The following KIRREL3 variants were observed in gnomAD, a reference collection of about 807,000 sequenced individuals.
KIRREL3 encodes kin of IRRE-like protein 3.
KIRREL3 carries 36 observed loss-of-function variants against 89.7 expected under a neutral mutation model. The observed-to-expected ratio is 0.40, with a 90% CI of 0.31 to 0.53. The LOEUF is 0.53. KIRREL3 is among the 20% of genes least tolerant of loss of function. The pLI is 0.49. For synonymous variants in KIRREL3, 445 were observed against 441.4 expected (o/e 1.01, Z -0.10); for missense variants, 864 against 1,056.6 (o/e 0.82, Z 2.53).
rs936201536 is a variant in KIRREL3 at position 126,783,328 on chromosome 11, C to G, written c.55+217127G>C. Among the ~76,000 whole-genome samples the G allele has an allele frequency of 9.9e-5, 15 of 152,178 alleles. No individual in the cohort carries two copies. The highest frequency in any genetic ancestry group is 1.6e-4 in the Non-Finnish European group (11 of 68,038). ...TCTTCTCTTCTTATGAGGACACTCA[C>G]TGGTCACATTGGATTAAGGGCTTAC... On this transcript the variant is annotated intron_variant, in intron 1 of 16. Transcript: ENST00000525144. The surrounding 1 kb of genome is among the most constrained non-coding windows in gnomAD (Gnocchi z 4.3).
chr11:126,949,723 A>C (rs981468388), intron 1 of KIRREL3, among the ~76,000 whole-genome samples: 2 of 152,204 alleles, frequency 1.3e-5, no homozygotes, highest in Non-Finnish European at 2.9e-5. Context: ...TTCCCAAAAT[A>C]AAATTCAGTG....
At chr11:126,646,949 A>G (rs964396483) in intron 1 of KIRREL3, among the ~76,000 whole-genome samples, 1 of 152,206 alleles carries the variant, frequency 6.6e-6, no homozygotes, top group Non-Finnish European at 1.5e-5. Flanking sequence ...CCGATGAGCC[A>G]ATTATTTCAA....
chr11:126,705,902 A>G lies in KIRREL3; in HGVS notation c.56-142990T>C, dbSNP rs1001537619. Among the ~76,000 whole-genome samples the G allele has an allele frequency of 2.0e-5, 3 of 152,206 alleles. No homozygotes were observed. The highest frequency in any genetic ancestry group is 4.4e-5 in the Non-Finnish European group (3 of 68,034). On this transcript the variant is annotated intron_variant, in intron 1 of 16. Coordinates refer to ENST00000525144, the MANE Select transcript of KIRREL3 (RefSeq NM_032531.4). The surrounding 1 kb of genome is among the most constrained non-coding windows in gnomAD (Gnocchi z 4.3). ...TAAGAGATTTGCTGTTTCTGCTTGCAGTCACTTAGAATGCTCCTTTTCAGA... is the reference window on the plus strand; with the variant it reads ...TAAGAGATTTGCTGTTTCTGCTTGCGGTCACTTAGAATGCTCCTTTTCAGA...
chr11:126,632,312 G>T (rs1396509702), intron 1 of KIRREL3, among the ~76,000 whole-genome samples: 2 of 152,176 alleles, frequency 1.3e-5, no homozygotes, highest in African/African-American at 2.4e-5. Flanking sequence ...TCTCCCTGGG[G>T]TGAGAAATTT....
rs1248653488 is a variant in KIRREL3, at chr11:126,519,681, G to C, written c.433+1634C>G. On this transcript the variant is annotated intron_variant, in intron 4 of 16. Coordinates refer to ENST00000525144, the MANE Select transcript of KIRREL3 (RefSeq NM_032531.4). The surrounding 1 kb of genome is among the most constrained non-coding windows in gnomAD (Gnocchi z 4.3). Reference sequence around the variant, plus strand: ...GTCGGTAGAGGCAGATTCTTCTGAGGATGGAGGGGCTGAGCCATCTCTGAA... The same window carrying C: ...GTCGGTAGAGGCAGATTCTTCTGAGCATGGAGGGGCTGAGCCATCTCTGAA... Among the ~76,000 whole-genome samples, 1 of 152,164 alleles carries C rather than the reference G, an allele frequency of 6.6e-6. No homozygotes were observed. The highest frequency in any genetic ancestry group is 2.4e-5 in the African/African-American group (1 of 41,426).
chr11:126,574,277 A>G lies in KIRREL3; in HGVS notation c.56-11365T>C, dbSNP rs1941134414. The stretch of plus-strand genomic sequence containing the variant: ...CTAATGGCAGGGCTAGGATTTGACC[A>G]CAACGCTTGGGGTAAAACCAAACTC... On this transcript the variant is annotated intron_variant, in intron 1 of 16. Coordinates refer to ENST00000525144, the MANE Select transcript of KIRREL3 (RefSeq NM_032531.4). This position sits in a 1 kb window ranked among gnomAD's most constrained non-coding sequence, Gnocchi z 5.3. Among the ~76,000 whole-genome samples the G allele has an allele frequency of 6.6e-6, 1 of 152,232 alleles. No homozygotes were observed. Among genetic ancestry groups the G allele is most frequent in the Admixed American group, 6.5e-5 (1 of 15,288 alleles).
intron 1 of KIRREL3, among the ~76,000 whole-genome samples, chr11:126,619,617 G>C (rs1326028505): frequency 6.6e-6 from 1 of 152,204 alleles, no homozygotes; most frequent in Non-Finnish European, 1.5e-5. Flanking sequence ...ACATTAATGA[G>C]AATTACAAAC....
intron 1 of KIRREL3, among the ~76,000 whole-genome samples, chr11:126,847,727 C>G (rs1944196415): frequency 1.3e-5 from 2 of 152,134 alleles, no homozygotes; most frequent in South Asian, 2.1e-4. Flanking sequence ...GTTAAGAAAA[C>G]TCTTCTGTTG....
In KIRREL3 at chr11:126,601,843, T is replaced by C. The variant is rs1942671066; in HGVS notation, c.56-38931A>G. Among the ~76,000 whole-genome samples the C allele has an allele frequency of 1.3e-5, 2 of 152,194 alleles. No individual in the cohort carries two copies. Among genetic ancestry groups the C allele is most frequent in the African/African-American group, 4.8e-5 (2 of 41,446 alleles). The stretch of plus-strand genomic sequence containing the variant: ...CGTGCCATCTCCCGTTTTTAAGGAC[T>C]GGACTAAAGGTGGAGGTCTTGGCCT... On this transcript the variant is annotated intron_variant, in intron 1 of 16. Coordinates refer to ENST00000525144, the MANE Select transcript of KIRREL3 (RefSeq NM_032531.4). This position sits in a 1 kb window ranked among gnomAD's most constrained non-coding sequence, Gnocchi z 5.8.
At position 126,652,033 on chromosome 11, in the gene KIRREL3, G is replaced by A. The variant is rs980185611; in HGVS notation, c.56-89121C>T. ...GAGGCAAAAAGCGGAGTTCATCCTT[G>A]TGCTAACCAAAGAAAAGATGAAATG... is the stretch of plus-strand genomic sequence containing the variant. On this transcript the variant is annotated intron_variant, in intron 1 of 16. Coordinates refer to ENST00000525144, the MANE Select transcript of KIRREL3 (RefSeq NM_032531.4). The surrounding 1 kb of genome is among the most constrained non-coding windows in gnomAD (Gnocchi z 4.9). 6.6e-6 allele frequency among the ~76,000 whole-genome samples: 1 copy of A among 152,162 alleles called. No individual in the cohort carries two copies. Among genetic ancestry groups the A allele is most frequent in the Non-Finnish European group, 1.5e-5 (1 of 68,030 alleles).
intron 1 of KIRREL3, among the ~76,000 whole-genome samples, chr11:126,868,149 G>A (rs1011482344): frequency 6.6e-6 from 1 of 152,124 alleles, no homozygotes; most frequent in African/African-American, 2.4e-5. Context: ...AAATTAACCA[G>A]TCAGATGTCT....
At position 126,772,556 on chromosome 11, in the gene KIRREL3, T is replaced by C. The variant is rs1950050371; in HGVS notation, c.56-209644A>G. Reference sequence around the variant, plus strand: ...CACCTCCGGAGTCAGTCAATGTGGCTCACAGAGTGGGAAGGGCAGATGAGC... The same window carrying C: ...CACCTCCGGAGTCAGTCAATGTGGCCCACAGAGTGGGAAGGGCAGATGAGC... On this transcript the variant is annotated intron_variant, in intron 1 of 16. Coordinates refer to ENST00000525144, the MANE Select transcript of KIRREL3 (RefSeq NM_032531.4). The surrounding 1 kb of genome is among the most constrained non-coding windows in gnomAD (Gnocchi z 4.6). Among the ~76,000 whole-genome samples the C allele has an allele frequency of 6.6e-6, 1 of 152,170 alleles. No homozygotes were observed. The highest frequency in any genetic ancestry group is 2.4e-5 in the African/African-American group (1 of 41,434).
At chr11:126,670,580 G>C (rs1424571284) in intron 1 of KIRREL3, among the ~76,000 whole-genome samples, 3 of 152,194 alleles carry the variant, frequency 2.0e-5, no homozygotes, top group East Asian at 3.8e-4. Flanking sequence ...AAAACACCTA[G>C]TAAGTCAATA....
chr11:126,916,108 G>A (rs970405486), intron 1 of KIRREL3, among the ~76,000 whole-genome samples: 3 of 152,138 alleles, frequency 2.0e-5, no homozygotes, highest in South Asian at 4.1e-4. Flanking sequence ...GATTAATAGC[G>A]TTCTAATGAT....
chr11:126,756,729 C>G (rs1341147732), intron 1 of KIRREL3, among the ~76,000 whole-genome samples: 3 of 152,252 alleles, frequency 2.0e-5, no homozygotes, highest in Non-Finnish European at 2.9e-5. Context: ...GACATCTGCT[C>G]TCCATTCCAC....
chr11:126,917,714 A>G lies in KIRREL3; in HGVS notation c.55+82741T>C, dbSNP rs1389866915. 1.3e-5 allele frequency among the ~76,000 whole-genome samples: 2 copies of G among 152,128 alleles called. No individual in the cohort carries two copies. Among genetic ancestry groups the G allele is most frequent in the Non-Finnish European group, 2.9e-5 (2 of 68,028 alleles). ...AGAAACCATATACTAGAAACCACTC[A>G]CACTAGAAACCAATAGTGAGGTGGT... On this transcript the variant is annotated intron_variant, in intron 1 of 16. Coordinates refer to ENST00000525144, the MANE Select transcript of KIRREL3 (RefSeq NM_032531.4). This position sits in a 1 kb window ranked among gnomAD's most constrained non-coding sequence, Gnocchi z 5.0.
chr11:126,523,240 A>T lies in KIRREL3; in HGVS notation c.284-1776T>A, dbSNP rs1473941565. On this transcript the variant is annotated intron_variant, in intron 3 of 16. Transcript: ENST00000525144. This position sits in a 1 kb window ranked among gnomAD's most constrained non-coding sequence, Gnocchi z 4.9. The stretch of plus-strand genomic sequence containing the variant: ...GAGGTTGGATGATCGCCTCTCAGGG[A>T]TGTTGCAGAGGTGATTTCTACACCG... 6.6e-6 allele frequency among the ~76,000 whole-genome samples: 1 copy of T among 152,116 alleles called. No individual in the cohort carries two copies. The highest frequency in any genetic ancestry group is 6.5e-5 in the Admixed American group (1 of 15,270).
rs759872523 is a variant in KIRREL3, at chr11:126,463,139, G to A, written c.742+18C>T. 1.9e-6 allele frequency: 3 copies of A among 1,609,806 alleles called. No homozygotes were observed. Among genetic ancestry groups the A allele is most frequent in the African/African-American group, 1.3e-5 (1 of 74,846 alleles). ...TGGGCCTGGCAGGGCTGGGTTGGGG[G>A]AGGGGGTGGGTACTCACGCTGGATG... On this transcript the variant is annotated intron_variant, in intron 6 of 16. Transcript: ENST00000525144. The surrounding 1 kb of genome is among the most constrained non-coding windows in gnomAD (Gnocchi z 5.9).
rs950983002 is a variant in KIRREL3 at position 126,440,429 on chromosome 11, G to A, written c.1353+20C>T. On this transcript the variant is annotated intron_variant, in intron 11 of 16. Coordinates refer to ENST00000525144, the MANE Select transcript of KIRREL3 (RefSeq NM_032531.4). Reference sequence around the variant, plus strand: ...TGGGCTGCTGGCCCGGCCCCCGCCCGCCGTCCCTGGAGCACTCACGATGCG... The same window carrying A: ...TGGGCTGCTGGCCCGGCCCCCGCCCACCGTCCCTGGAGCACTCACGATGCG... The A allele has an allele frequency of 1.9e-6, 3 of 1,550,544 alleles. No homozygotes were observed. Among genetic ancestry groups the A allele is most frequent in the South Asian group, 1.2e-5 (1 of 84,224 alleles).
Sources: gnomAD v4.1 joint callset for allele counts (sites outside exome capture counted in the v4.1 genomes callset) on GRCh38, gnomAD v4.1.1 for gene constraint, Gnocchi (gnomAD v3.1) non-coding constraint, MANE v1.5 for transcripts, NCBI Gene and HGNC (gene_info 2026-07-23, HGNC 2026-07-21) for gene names.